Variants in TMLHE observed in about 807,000 individuals in gnomAD.
The protein encoded by TMLHE is trimethyllysine hydroxylase, epsilon.
In TMLHE, 18 loss-of-function variants were observed where a neutral mutation model predicts 25.7. The observed-to-expected ratio is 0.70, with a 90% CI of 0.48 to 1.04. The LOEUF (loss-of-function observed/expected upper bound fraction) is 1.04, where lower values mean the gene tolerates loss of function less well. TMLHE is among the 50% of genes least tolerant of loss of function. The pLI, the probability that TMLHE is intolerant of heterozygous loss-of-function variation, is 0.00. For synonymous variants in TMLHE, 105 were observed against 97.0 expected, an observed-to-expected ratio of 1.08 and a Z score of -0.49; for missense variants, 236 against 259.0, an observed-to-expected ratio of 0.91 and a Z score of 0.61.
At chrX:155,530,427 T>G (rs1557336962) in intron 2 of TMLHE, among the ~76,000 whole-genome samples, 1 of 84,459 alleles carries the variant, frequency 1.2e-5, no homozygotes, top group African/African-American at 3.9e-5. Flanking sequence ...GGTAGGGGCA[T>G]GAGGCTAAGG....
intron 3 of TMLHE, chrX:155,524,127 T>C (rs376802316): frequency 3.7e-5 from 6 of 163,521 alleles, no homozygotes; most frequent in African/African-American, 1.8e-4. Context: ...TTAATTTTTC[T>C]TGACTTACTA....
chrX:155,557,144 T>C lies in TMLHE; in HGVS notation c.-1-11867A>G, dbSNP rs1424029573. Among the ~76,000 whole-genome samples the C allele has an allele frequency of 3.6e-5, 4 of 111,835 alleles. No individual in the cohort carries two copies. In the Admixed American group the frequency reaches 3.8e-4, roughly 11 times the overall value. ...TTACAGGGTCCTGAGACGATATACA[T>C]CCTTCTCGGCTGACAGGATTAAGAG... On this transcript the variant is annotated intron_variant, in intron 1 of 7. Coordinates refer to ENST00000334398, the MANE Select transcript of TMLHE (RefSeq NM_018196.4).
intron 5 of TMLHE, among the ~76,000 whole-genome samples, chrX:155,510,744 T>C (rs1312191000): frequency 9.2e-6 from 1 of 109,075 alleles, no homozygotes; most frequent in Non-Finnish European, 1.9e-5. Context: ...GCATGATTTA[T>C]AATCCTTTGG....
intron 2 of TMLHE, among the ~76,000 whole-genome samples, chrX:155,526,105 G>C (rs914511687): frequency 8.9e-6 from 1 of 112,902 alleles, no homozygotes; most frequent in Non-Finnish European, 1.9e-5. Flanking sequence ...AAGACAATGG[G>C]GGGGAAATGT....
chrX:155,563,617 A>G lies in TMLHE; in HGVS notation c.-1-18340T>C, dbSNP rs1172252600. Among the ~76,000 whole-genome samples the G allele has an allele frequency of 4.8e-5, 3 of 62,032 alleles. 1 individual carries two copies. Among genetic ancestry groups the G allele is most frequent in the Non-Finnish European group, 1.4e-4 (3 of 22,115 alleles). The allele number at this position is 62,032 out of a possible 115,157, so 53.9% of individuals were successfully genotyped here. On this transcript the variant is annotated intron_variant, in intron 1 of 7. Transcript: ENST00000334398. ...AGAATTTTAGTTTTGGATCTGTTAA[A>G]TTTGAGATGTCTATTAGATTTTTAG...
intron 1 of TMLHE, among the ~76,000 whole-genome samples, chrX:155,546,649 T>C (rs1214384742): frequency 5.4e-5 from 6 of 111,293 alleles, no homozygotes; most frequent in Non-Finnish European, 9.4e-5. Flanking sequence ...TAGAATTTAC[T>C]AATCACTAGG....
At chrX:155,541,096 T>A (rs782157300) in intron 2 of TMLHE, among the ~76,000 whole-genome samples, 128 of 110,818 alleles carry the variant, frequency 1.2e-3, no homozygotes, top group African/African-American at 4.1e-3. Flanking sequence ...GTGCAGAACA[T>A]GCAGGTTTGT....
chrX:155,601,850 TA>T (rs1226564845), intron 1 of TMLHE, among the ~76,000 whole-genome samples: 2 of 105,965 alleles, frequency 1.9e-5, no homozygotes, highest in South Asian at 4.1e-4. Context: ...AAAATTGTAT[TA>T]AAAAAAAGAG....
intron 1 of TMLHE, among the ~76,000 whole-genome samples, chrX:155,547,741 TGGA>T (rs1192325700): frequency 9.1e-6 from 1 of 110,024 alleles, no homozygotes; most frequent in Non-Finnish European, 1.9e-5. Context: ...ATGGGATTGT[TGGA>T]GGTGTTGGAA....
intron 3 of TMLHE, among the ~76,000 whole-genome samples, chrX:155,522,028 G>C (rs782689015): frequency 9.0e-6 from 1 of 110,837 alleles, no homozygotes; most frequent in South Asian, 3.8e-4. Flanking sequence ...GTTCCTATTC[G>C]GCCATCTTGG....
At chrX:155,548,077 A>G (rs781988181) in intron 1 of TMLHE, among the ~76,000 whole-genome samples, 16 of 111,851 alleles carry the variant, frequency 1.4e-4, no homozygotes, top group Non-Finnish European at 2.6e-4. Context: ...ACCTCTTGCC[A>G]TATACAAAAA....
At chrX:155,527,219 T>C (rs1232418604) in intron 2 of TMLHE, among the ~76,000 whole-genome samples, 1 of 111,856 alleles carries the variant, frequency 8.9e-6, no homozygotes, top group Non-Finnish European at 1.9e-5. Flanking sequence ...TGGGAGGTGA[T>C]TGGATCATGG....
chrX:155,577,554 T>C (rs925902120), intron 1 of TMLHE, among the ~76,000 whole-genome samples: 1 of 106,934 alleles, frequency 9.4e-6, no homozygotes, highest in Admixed American at 1.0e-4. Context: ...TGCTCCAACC[T>C]GGGCAACAAA....
In TMLHE at chrX:155,514,031, G is replaced by C; in HGVS notation, c.593C>G (p.Thr198Ser). ...TGCCAACTTCTCTGTGTGCTCTTGAGTGGGAGGGACATTTTCTACGAATGC... is the reference window on the plus strand; with the variant it reads ...TGCCAACTTCTCTGTGTGCTCTTGACTGGGAGGGACATTTTCTACGAATGC... Reference protein sequence around the residue: ...GIAFVENVPPTQEHTEKLAER... With the variant: ...GIAFVENVPPSQEHTEKLAER... The change falls in exon 4 of 8, where the codon ACT (threonine) becomes AGT (serine). Residue 198 changes from threonine (T) to serine (S), a missense_variant. By Grantham distance (58) the Thr-to-Ser change is moderately conservative (BLOSUM62 1). Coordinates refer to ENST00000334398, the MANE Select transcript of TMLHE (RefSeq NM_018196.4). 1.7e-6 allele frequency: 2 copies of C among 1,211,070 alleles called. No homozygotes were observed. Among genetic ancestry groups the C allele is most frequent in the Middle Eastern group, 2.3e-4 (1 of 4,346 alleles).
At chrX:155,548,963 G>C (rs1369771367) in intron 1 of TMLHE, among the ~76,000 whole-genome samples, 2 of 110,615 alleles carry the variant, frequency 1.8e-5, no homozygotes, top group African/African-American at 3.3e-5. Context: ...AGCAAGTATA[G>C]AGGTCTTGCA....
chrX:155,546,282 G>C, intron 1 of TMLHE, among the ~76,000 whole-genome samples: 1 of 111,487 alleles, frequency 9.0e-6, no homozygotes, highest in East Asian at 2.8e-4. Flanking sequence ...TGATAAACCT[G>C]CTTGGAGTTG....
intron 1 of TMLHE, among the ~76,000 whole-genome samples, chrX:155,589,727 G>A (rs1474760704): frequency 1.8e-5 from 2 of 111,384 alleles, no homozygotes; most frequent in African/African-American, 3.3e-5. Flanking sequence ...CTATACCAGA[G>A]TGACTACAGT....
chrX:155,551,367 C>G (rs1384102090), intron 1 of TMLHE, among the ~76,000 whole-genome samples: 1 of 71,577 alleles, frequency 1.4e-5, no homozygotes, highest in African/African-American at 5.7e-5. Context: ...CCCCTCCCCC[C>G]ACCCCAAATC....
intron 1 of TMLHE, among the ~76,000 whole-genome samples, chrX:155,592,131 G>A (rs782447635): frequency 8.9e-6 from 1 of 111,843 alleles, no homozygotes; most frequent in South Asian, 3.8e-4. Context: ...ACTTATATGT[G>A]TAAACTAAAT....
Sources: allele counts gnomAD v4.1 joint callset (sites outside exome capture counted in the v4.1 genomes callset), GRCh38; gene constraint gnomAD v4.1.1; transcripts MANE v1.5; gene names NCBI Gene and HGNC (gene_info 2026-07-23, HGNC 2026-07-21).